CCSER1: variants seen among roughly 807,000 people sequenced by gnomAD.
CCSER1 encodes serine-rich coiled-coil domain-containing protein 1.
CCSER1 carries 41 observed loss-of-function variants against 82.0 expected under a neutral mutation model. That is an observed-to-expected ratio of 0.50 (90% CI 0.39 to 0.65). The LOEUF (loss-of-function observed/expected upper bound fraction) is 0.65. CCSER1 is among the 30% of genes least tolerant of loss of function. CCSER1 has a pLI of 0.00. For missense variants in CCSER1, 1,119 were observed against 1,064.2 expected (o/e 1.05, Z -0.72); for synonymous variants, 414 against 383.9 (o/e 1.08, Z -0.92).
chr4:91,079,940 G>A (rs7666626), intron 9 of CCSER1, among the ~76,000 whole-genome samples: 31,121 of 151,876 alleles, frequency 0.2, 3,684 homozygotes, highest in African/African-American at 0.31. Flanking sequence ...ACCTAAAAAG[G>A]GACTTAGACT....
intron 5 of CCSER1, among the ~76,000 whole-genome samples, chr4:90,546,079 A>G (rs910847311): frequency 1.3e-5 from 2 of 151,920 alleles, no homozygotes; most frequent in African/African-American, 2.4e-5. Flanking sequence ...TGAAAGAGTC[A>G]TTTCTTAGCC....
chr4:90,935,376 C>T (rs982747606), intron 9 of CCSER1, among the ~76,000 whole-genome samples: 11 of 152,060 alleles, frequency 7.2e-5, no homozygotes, highest in Non-Finnish European at 8.8e-5. Context: ...CTGCACGTAC[C>T]GGCTCCCCTT....
chr4:90,138,197 T>A (rs1190298840), intron 1 of CCSER1, among the ~76,000 whole-genome samples: 3 of 152,172 alleles, frequency 2.0e-5, no homozygotes, highest in South Asian at 2.1e-4. Context: ...ATTTCTTTTT[T>A]AAATTTTTTT....
chr4:91,079,203 C>G (rs1275350456), intron 9 of CCSER1, among the ~76,000 whole-genome samples: 2 of 152,104 alleles, frequency 1.3e-5, no homozygotes, highest in Non-Finnish European at 2.9e-5. Flanking sequence ...AAAGGGAAGC[C>G]CATCAGACTA....
chr4:91,520,106 A>G (rs1246222324), intron 10 of CCSER1, among the ~76,000 whole-genome samples: 1 of 151,878 alleles, frequency 6.6e-6, no homozygotes, highest in Non-Finnish European at 1.5e-5. Context: ...ATCCATTACT[A>G]CCTTATTCTG....
chr4:90,948,619 T>C (rs1732543461), intron 9 of CCSER1, among the ~76,000 whole-genome samples: 1 of 152,054 alleles, frequency 6.6e-6, no homozygotes, highest in Non-Finnish European at 1.5e-5. Flanking sequence ...TGTTTGGCAA[T>C]AATTTTCTAA....
intron 7 of CCSER1, among the ~76,000 whole-genome samples, chr4:90,798,288 A>G (rs796319076): frequency 6.6e-6 from 1 of 152,182 alleles, no homozygotes; most frequent in Admixed American, 6.5e-5. Context: ...TTGTGATTGC[A>G]TTATGAAATT....
At chr4:90,533,341 C>T (rs1234325465) in intron 5 of CCSER1, among the ~76,000 whole-genome samples, 2 of 152,044 alleles carry the variant, frequency 1.3e-5, no homozygotes, top group Admixed American at 6.6e-5. Context: ...GTAACCCGCC[C>T]GCCTTGGCCT....
At chr4:90,706,220 C>G (rs1237413685) in intron 6 of CCSER1, among the ~76,000 whole-genome samples, 1 of 152,064 alleles carries the variant, frequency 6.6e-6, no homozygotes, top group East Asian at 1.9e-4. Flanking sequence ...TTGTAACAAC[C>G]CTAATGGACT....
chr4:90,380,211 C>T (rs1392057902), intron 3 of CCSER1, among the ~76,000 whole-genome samples: 2 of 152,082 alleles, frequency 1.3e-5, no homozygotes, highest in East Asian at 1.9e-4. Context: ...GCATTGTGAA[C>T]GTCTCAGAAA....
chr4:91,326,531 G>C (rs1343613219), intron 10 of CCSER1, among the ~76,000 whole-genome samples: 1 of 152,142 alleles, frequency 6.6e-6, no homozygotes, highest in African/African-American at 2.4e-5. Context: ...CATGTGATTT[G>C]CGTGGGAACA....
chr4:90,629,008 G>C (rs1723845490), intron 6 of CCSER1, among the ~76,000 whole-genome samples: 1 of 151,964 alleles, frequency 6.6e-6, no homozygotes, highest in South Asian at 2.1e-4. Context: ...TGAAATTTGT[G>C]TCTTTGTATT....
intron 1 of CCSER1, among the ~76,000 whole-genome samples, chr4:90,142,623 C>T (rs1725003033): frequency 7.1e-6 from 1 of 140,244 alleles, no homozygotes; most frequent in African/African-American, 2.9e-5. Context: ...TATTTATTTA[C>T]CACTTTTTTT....
intron 4 of CCSER1, among the ~76,000 whole-genome samples, chr4:90,403,455 C>T (rs1383858189): frequency 1.4e-5 from 2 of 142,944 alleles, no homozygotes; most frequent in East Asian, 2.1e-4. Context: ...GCCAAGATCC[C>T]GCCACTGCAC....
At chr4:91,070,710 G>A (rs918494221) in intron 9 of CCSER1, among the ~76,000 whole-genome samples, 1 of 152,162 alleles carries the variant, frequency 6.6e-6, no homozygotes, top group African/African-American at 2.4e-5. Flanking sequence ...ATGATCTGAG[G>A]TTGAAAAATT....
chr4:91,089,505 ACT>A (rs1269553791), intron 10 of CCSER1, among the ~76,000 whole-genome samples: 1 of 151,886 alleles, frequency 6.6e-6, no homozygotes, highest in Non-Finnish European at 1.5e-5. Flanking sequence ...CACCTTTGAG[ACT>A]CTCACTCATT....
At chr4:90,433,614 G>T (rs1758602952) in intron 4 of CCSER1, among the ~76,000 whole-genome samples, 1 of 152,018 alleles carries the variant, frequency 6.6e-6, no homozygotes, top group East Asian at 1.9e-4. Flanking sequence ...ATTAAAATGT[G>T]GACTACACAG....
At chr4:91,529,049 G>A (rs1231862823) in intron 10 of CCSER1, among the ~76,000 whole-genome samples, 1 of 151,992 alleles carries the variant, frequency 6.6e-6, no homozygotes, top group Non-Finnish European at 1.5e-5. Context: ...CAATGCTTTT[G>A]TTTCTCAGTG....
At chr4:90,817,920 C>G (rs1214746878) in intron 8 of CCSER1, among the ~76,000 whole-genome samples, 1 of 152,122 alleles carries the variant, frequency 6.6e-6, no homozygotes, top group East Asian at 1.9e-4. Flanking sequence ...TTATGCTTTA[C>G]TTACATTGAA....
Sources: allele counts gnomAD v4.1 joint callset (sites outside exome capture counted in the v4.1 genomes callset), GRCh38; gene constraint gnomAD v4.1.1; transcripts MANE v1.5; gene names NCBI Gene and HGNC (gene_info 2026-07-23, HGNC 2026-07-21).